VGLL1: variants seen among roughly 807,000 people sequenced by gnomAD.
VGLL1 encodes the protein vestigial like family member 1.
VGLL1 carries 4 observed loss-of-function variants against 12.0 expected under a neutral mutation model. The ratio of observed to expected loss-of-function variants is 0.33; its 90% CI spans 0.16 to 0.76. The LOEUF is 0.76. Ranked by LOEUF, VGLL1 falls within the 30% of genes least tolerant of loss-of-function variation. The pLI, the probability that VGLL1 is intolerant of heterozygous loss-of-function variation, is 0.60. For synonymous variants in VGLL1, 87 were observed against 81.2 expected (o/e 1.07, Z -0.39); for missense variants, 204 against 208.7 (o/e 0.98, Z 0.14).
chrX:136,540,676 A>G (rs1363130910), intron 2 of VGLL1, among the ~76,000 whole-genome samples: 1 of 111,803 alleles, frequency 8.9e-6, no homozygotes, highest in African/African-American at 3.3e-5. Context: ...TAGGGACTCA[A>G]TCTGTTAACT....
intron 4 of VGLL1, 96 bp downstream of exon 4, chrX:136,550,917 T>A: frequency 1.3e-6 from 1 of 788,001 alleles, no homozygotes; most frequent in Non-Finnish European, 1.9e-6. Flanking sequence ...ACACTGGTAG[T>A]ATAAAACCCA....
intron 1 of VGLL1, among the ~76,000 whole-genome samples, chrX:136,534,564 T>G (rs1039084824): frequency 1.8e-5 from 2 of 112,583 alleles, no homozygotes; most frequent in South Asian, 7.3e-4. Flanking sequence ...GTGATAAACA[T>G]GTGGGTACTT....
At position 136,554,887 on chromosome X, in the gene VGLL1, T is replaced by G. The variant is rs188262054; in HGVS notation, c.689-1564T>G. 5.8e-4 allele frequency among the ~76,000 whole-genome samples: 65 copies of G among 112,349 alleles called. 1 individual carries two copies. In the East Asian group the frequency reaches 8.6e-3, roughly 15 times the overall value. ...CCAAGTGGATATACCTTTTAAACAG[T>G]TGTATATGTAAGTGAAGAAAGTCTG... On this transcript the variant is annotated intron_variant, in intron 4 of 4. Coordinates refer to ENST00000370634, the MANE Select transcript of VGLL1 (RefSeq NM_016267.4).
chrX:136,546,470 G>A (rs1246904023), intron 2 of VGLL1, among the ~76,000 whole-genome samples: 5 of 112,279 alleles, frequency 4.5e-5, no homozygotes, highest in Admixed American at 1.9e-4. Flanking sequence ...CACCCTGTGC[G>A]TGCCCATAAG....
At chrX:136,545,973 G>A (rs897588309) in intron 2 of VGLL1, among the ~76,000 whole-genome samples, 3 of 111,731 alleles carry the variant, frequency 2.7e-5, no homozygotes, top group Admixed American at 1.9e-4. Context: ...ATGGGACTAA[G>A]AGGTAGGGTC....
chrX:136,540,416 C>G (rs2075852627), intron 2 of VGLL1, among the ~76,000 whole-genome samples: 1 of 111,215 alleles, frequency 9.0e-6, no homozygotes, highest in Non-Finnish European at 1.9e-5. Flanking sequence ...CTCTCCTATC[C>G]CTGGAATGCT....
At position 136,556,369 on chromosome X, in the gene VGLL1, G is replaced by C. The variant is rs2075901070; in HGVS notation, c.689-82G>C. ...CTCTGGTATCTGACATCCCACAGGTGTTCATCTGGACCCTGGAGGAGACTT... is the reference window on the plus strand; with the variant it reads ...CTCTGGTATCTGACATCCCACAGGTCTTCATCTGGACCCTGGAGGAGACTT... On this transcript the variant is annotated intron_variant, in intron 4 of 4. Transcript: ENST00000370634. 8 of 763,344 alleles carry C rather than the reference G, an allele frequency of 1.0e-5. No individual in the cohort carries two copies. The East Asian group carries it at 2.2e-4, about 21-fold the overall frequency. The allele number at this position is 763,344 out of a possible 1,213,427, so 62.9% of individuals were successfully genotyped here. A position where few individuals can be genotyped will look rare whatever the true frequency, so the allele number is the denominator to read the frequency against.
At position 136,550,781 on chromosome X, in the gene VGLL1, T is replaced by C. The variant is rs760054859; in HGVS notation, c.648T>C (p.Tyr216=). 4.1e-6 allele frequency: 5 copies of C among 1,208,056 alleles called. No individual in the cohort carries two copies. The South Asian group carries it at 5.3e-5, about 13-fold the overall frequency. The change falls in exon 4 of 5, where the codon TAT becomes TAC. Residue 216 remains tyrosine, a synonymous_variant. Transcript: ENST00000370634. ...PPGSVHYKKL[Y]VSRGSASTSL... ...CTTCTTTTCTAGATAAGAAACTATA[T>C]GTATCTCGTGGATCTGCCAGTACCA...
chrX:136,540,753 A>G (rs1384176842), intron 2 of VGLL1, among the ~76,000 whole-genome samples: 3 of 111,538 alleles, frequency 2.7e-5, no homozygotes, highest in Non-Finnish European at 3.8e-5. Context: ...GGCTTGAACG[A>G]ATGAAATTAT....
At chrX:136,554,043 T>C (rs1029090565) in intron 4 of VGLL1, among the ~76,000 whole-genome samples, 10 of 112,449 alleles carry the variant, frequency 8.9e-5, no homozygotes, top group African/African-American at 3.2e-4. Context: ...GACTATAATA[T>C]ACATTGGAGA....
chrX:136,536,479 C>T (rs928462057), intron 2 of VGLL1, among the ~76,000 whole-genome samples: 2 of 111,458 alleles, frequency 1.8e-5, no homozygotes, highest in East Asian at 5.6e-4. Flanking sequence ...CCGTCATGTT[C>T]GCTTTGATTT....
At chrX:136,541,964 G>A (rs1270788350) in intron 2 of VGLL1, among the ~76,000 whole-genome samples, 3 of 111,887 alleles carry the variant, frequency 2.7e-5, no homozygotes, top group Non-Finnish European at 5.7e-5. Context: ...AACTAGAGAA[G>A]CTTCAGTAAC....
intron 2 of VGLL1, among the ~76,000 whole-genome samples, chrX:136,542,274 T>C (rs1457777922): frequency 8.9e-6 from 1 of 111,764 alleles, no homozygotes; most frequent in Non-Finnish European, 1.9e-5. Context: ...ATGGCCCTTG[T>C]AAATACTGAC....
At position 136,548,873 on chromosome X, in the gene VGLL1, C is replaced by G; in HGVS notation, c.499C>G (p.Pro167Ala). The G allele has an allele frequency of 8.2e-7, 1 of 1,212,220 alleles. No individual in the cohort carries two copies. Among genetic ancestry groups the G allele is most frequent in the Non-Finnish European group, 1.1e-6 (1 of 895,648 alleles). Reference protein sequence around the residue: ...PEPQPDGKREPLLSLLQQDRC... With the variant: ...PEPQPDGKREALLSLLQQDRC... ...GCCCCAGCCTGATGGGAAACGTGAG[C>G]CTCTCCTAAGTCTCCTCCAGCAAGA... Residue 167 changes from proline (P) to alanine (A), a missense_variant, in exon 3 of 5, where the codon CCT becomes GCT. By Grantham distance (27) the Pro-to-Ala change is conservative (BLOSUM62 -1). Transcript: ENST00000370634.
At chrX:136,550,063 A>C (rs1052665341) in intron 3 of VGLL1, among the ~76,000 whole-genome samples, 2 of 112,420 alleles carry the variant, frequency 1.8e-5, no homozygotes, top group African/African-American at 6.5e-5. Flanking sequence ...TTCTATTCTA[A>C]TGTGGAAAAC....
intron 2 of VGLL1, among the ~76,000 whole-genome samples, chrX:136,538,064 G>A (rs138837167): frequency 0.018 from 2,046 of 111,493 alleles, 39 homozygotes; most frequent in African/African-American, 0.062. Flanking sequence ...CCCTTCACAG[G>A]GCCAGGTGTG....
At chrX:136,549,372 C>T (rs1352280991) in intron 3 of VGLL1, among the ~76,000 whole-genome samples, 1 of 111,458 alleles carries the variant, frequency 9.0e-6, no homozygotes, top group South Asian at 3.8e-4. Flanking sequence ...AGCTCTGTGA[C>T]GTACCTACAG....
intron 3 of VGLL1, among the ~76,000 whole-genome samples, chrX:136,549,250 C>T (rs2075878807): frequency 8.9e-6 from 1 of 111,888 alleles, no homozygotes; most frequent in Non-Finnish European, 1.9e-5. Flanking sequence ...AAGTACTCAC[C>T]CTAGCCTGTC....
rs1433387843 is a variant in VGLL1, at chrX:136,556,488, T to G, written c.726T>G (p.Leu242=). The G allele has an allele frequency of 5.8e-6, 7 of 1,211,653 alleles. No individual in the cohort carries two copies. The highest frequency in any genetic ancestry group is 7.8e-6 in the Non-Finnish European group (7 of 895,301). ...SELETPGKYS[L]TPPNHWGHPH... ...TAGAGACACCTGGGAAATACTCACT[T>G]ACACCACCAAACCACTGGGGCCACC... The change falls in exon 5 of 5, where the codon CTT becomes CTG. Residue 242 remains leucine, a synonymous_variant. Transcript: ENST00000370634.
Sources: allele counts gnomAD v4.1 joint callset (sites outside exome capture counted in the v4.1 genomes callset), GRCh38; gene constraint gnomAD v4.1.1; transcripts MANE v1.5; gene names NCBI Gene and HGNC (gene_info 2026-07-23, HGNC 2026-07-21).